Variants in ERGIC2 observed in about 807,000 individuals in gnomAD.
ERGIC2 encodes endoplasmic reticulum-Golgi intermediate compartment protein 2.
A neutral mutation model predicts 52.5 loss-of-function variants in ERGIC2; 31 were observed. That is an observed-to-expected ratio of 0.59 (90% CI 0.44 to 0.80). The LOEUF (loss-of-function observed/expected upper bound fraction) is 0.80, where lower values mean the gene tolerates loss of function less well. Ranked by LOEUF, ERGIC2 falls within the 30% of genes least tolerant of loss-of-function variation. The pLI is 0.00. For synonymous variants in ERGIC2, 129 were observed against 140.6 expected (o/e 0.92, Z 0.58); for missense variants, 395 against 455.2 (o/e 0.87, Z 1.20).
Position 29,357,479 on chromosome 12 carries a change from A to C in ERGIC2, c.476+144T>G, listed in dbSNP as rs2136864542. 5.7e-6 allele frequency: 3 copies of C among 526,896 alleles called. No individual in the cohort carries two copies. In the South Asian group the frequency reaches 9.2e-5, roughly 16 times the overall value. 32.6% of individuals were successfully genotyped at this position (526,896 alleles called of 1,614,324 possible). Reference sequence around the variant, plus strand: ...AATCACAGGCTATAAATTTAAGAGCAAAAGGCGTCTTTATAGTACAGAATG... The same window carrying C: ...AATCACAGGCTATAAATTTAAGAGCCAAAGGCGTCTTTATAGTACAGAATG... On this transcript the variant is annotated intron_variant, in intron 7 of 13. Transcript: ENST00000360150.
intron 11 of ERGIC2, among the ~76,000 whole-genome samples, chr12:29,344,539 T>C (rs997652043): frequency 6.6e-6 from 1 of 152,258 alleles, no homozygotes; most frequent in Admixed American, 6.5e-5. Flanking sequence ...TTTGTGTGAG[T>C]GTATATACAC....
At chr12:29,352,017 T>C (rs1037515014) in intron 8 of ERGIC2, among the ~76,000 whole-genome samples, 13 of 152,196 alleles carry the variant, frequency 8.5e-5, no homozygotes, top group African/African-American at 2.9e-4. Context: ...TGGTACACTG[T>C]GCTTTAAAAA....
intron 5 of ERGIC2, among the ~76,000 whole-genome samples, chr12:29,362,489 C>G (rs752436627): frequency 6.6e-6 from 1 of 151,934 alleles, no homozygotes; most frequent in Admixed American, 6.6e-5. Flanking sequence ...CCCAGCTACT[C>G]AAGAGGCTGA....
chr12:29,348,111 G>A (rs1940082939), intron 10 of ERGIC2, among the ~76,000 whole-genome samples: 1 of 152,064 alleles, frequency 6.6e-6, no homozygotes, highest in Non-Finnish European at 1.5e-5. Flanking sequence ...ATCTCAAAAT[G>A]TTTCCATCCA....
intron 10 of ERGIC2, among the ~76,000 whole-genome samples, chr12:29,345,757 T>C (rs1462193506): frequency 6.6e-6 from 1 of 151,886 alleles, no homozygotes; most frequent in South Asian, 2.1e-4. Flanking sequence ...ACCAGTCTGG[T>C]CAAGAGAGCC....
intron 10 of ERGIC2, among the ~76,000 whole-genome samples, chr12:29,348,186 A>G (rs372365075): frequency 6.6e-6 from 1 of 152,306 alleles, no homozygotes; most frequent in African/African-American, 2.4e-5. Context: ...AACATAAAAT[A>G]TTCATGAATG....
Position 29,357,606 on chromosome 12 carries a change from T to G in ERGIC2, c.476+17A>C. On this transcript the variant is annotated intron_variant, in intron 7 of 13. Coordinates refer to ENST00000360150, the MANE Select transcript of ERGIC2 (RefSeq NM_016570.3). The stretch of plus-strand genomic sequence containing the variant: ...AATTCATAATAAACAGTTGCACATT[T>G]AAAATACAGATCTCACCTTGGTGGA... 2 of 1,314,242 alleles carry G rather than the reference T, an allele frequency of 1.5e-6. No homozygotes were observed. Among genetic ancestry groups the G allele is most frequent in the Non-Finnish European group, 2.2e-6 (2 of 918,028 alleles). 81.4% of individuals were successfully genotyped at this position (1,314,242 alleles called of 1,614,324 possible).
intron 5 of ERGIC2, among the ~76,000 whole-genome samples, chr12:29,365,074 G>T (rs532766141): frequency 2.0e-5 from 3 of 151,906 alleles, no homozygotes; most frequent in South Asian, 4.1e-4. Flanking sequence ...AGAACGTAGA[G>T]TATTATTTAA....
chr12:29,352,528 T>G (rs1940147214), intron 8 of ERGIC2, among the ~76,000 whole-genome samples: 1 of 151,972 alleles, frequency 6.6e-6, no homozygotes, highest in African/African-American at 2.4e-5. Context: ...CCGGGCGTGG[T>G]GGTGGGCTAC....
At chr12:29,359,056 T>C (rs1940247935) in intron 6 of ERGIC2, among the ~76,000 whole-genome samples, 1 of 152,022 alleles carries the variant, frequency 6.6e-6, no homozygotes, top group South Asian at 2.1e-4. Context: ...AAAATTTAAA[T>C]CTCTTAGAAA....
intron 10 of ERGIC2, among the ~76,000 whole-genome samples, chr12:29,346,353 A>G (rs1940051667): frequency 6.6e-6 from 1 of 151,426 alleles, no homozygotes; most frequent in Non-Finnish European, 1.5e-5. Flanking sequence ...AAGCCCAACT[A>G]AATTTTTTTC....
intron 5 of ERGIC2, among the ~76,000 whole-genome samples, chr12:29,361,909 TAC>T (rs1235091383): frequency 6.6e-6 from 1 of 152,190 alleles, no homozygotes; most frequent in Non-Finnish European, 1.5e-5. Flanking sequence ...ACTTTCCTGT[TAC>T]AGTTATCGAC....
In ERGIC2 at chr12:29,337,538, G is replaced by C. The variant is rs750831556; in HGVS notation, c.*3618C>G. The C allele has an allele frequency of 2.0e-5, 3 of 151,900 alleles. No homozygotes were observed. Among genetic ancestry groups the C allele is most frequent in the African/African-American group, 7.2e-5 (3 of 41,420 alleles). The allele number at this position is 151,900 out of a possible 1,614,324, so 9.4% of individuals were successfully genotyped here. A position where few individuals can be genotyped will look rare whatever the true frequency, so the allele number is the denominator to read the frequency against. ...TGCTTTGATTGCATCATCACAATAT[G>C]GGGGGGATACATGGATCTTGATCCG... On this transcript the variant is annotated 3_prime_UTR_variant, in exon 14 of 14. Coordinates refer to ENST00000360150, the MANE Select transcript of ERGIC2 (RefSeq NM_016570.3).
In ERGIC2 at chr12:29,337,732, A is replaced by T. The variant is rs1949807071; in HGVS notation, c.*3424T>A. The T allele has an allele frequency of 6.6e-6, 1 of 152,230 alleles. No individual in the cohort carries two copies. The highest frequency in any genetic ancestry group is 1.5e-5 in the Non-Finnish European group (1 of 68,044). 9.4% of individuals were successfully genotyped at this position (152,230 alleles called of 1,614,324 possible). ...AAGGTCCTAAAGCTCAGGTTTAAGT[A>T]ACTTTTAAACAATCAAAAATAGGCA... On this transcript the variant is annotated 3_prime_UTR_variant, in exon 14 of 14. Transcript: ENST00000360150.
intron 5 of ERGIC2, among the ~76,000 whole-genome samples, chr12:29,363,595 T>C (rs1408253401): frequency 6.6e-6 from 1 of 151,970 alleles, no homozygotes; most frequent in African/African-American, 2.4e-5. Context: ...TCCTGCTCCA[T>C]AAACTACTAG....
chr12:29,368,577 C>A (rs1452420035), intron 3 of ERGIC2, among the ~76,000 whole-genome samples: 55 of 151,882 alleles, frequency 3.6e-4, no homozygotes, highest in Non-Finnish European at 1.3e-4. Flanking sequence ...GTCTTAACCT[C>A]TTAATCTCTA....
chr12:29,364,653 A>G (rs1940333572), intron 5 of ERGIC2, among the ~76,000 whole-genome samples: 1 of 152,110 alleles, frequency 6.6e-6, no homozygotes, highest in Admixed American at 6.6e-5. Context: ...AACAAAAACT[A>G]CCAACAGAGT....
In ERGIC2 at chr12:29,360,344, TTAAA is replaced by T. The variant is rs571747469; in HGVS notation, c.374+1297_374+1300del. ...TAAATATGCATCAATAAGGATCCAA[TTAAA>T]TAAACTACAATCTATCCATAAAATA... is the stretch of plus-strand genomic sequence containing the variant. On this transcript the variant is annotated intron_variant, in intron 6 of 13. Coordinates refer to ENST00000360150, the MANE Select transcript of ERGIC2 (RefSeq NM_016570.3). Among the ~76,000 whole-genome samples, 259 of 151,548 alleles carry T rather than the reference TTAAA, an allele frequency of 1.7e-3. 1 individual carries two copies. The highest frequency in any genetic ancestry group is 6.0e-3 in the African/African-American group (247 of 41,464).
rs956980887 is a variant in ERGIC2, at chr12:29,341,017, C to CT, written c.*138dup. ...GAATTTCAGTTTGGGTTTTTTTATC[C>CT]TTTTTTTTCTTTTTTAAAATAAGTA... On this transcript the variant is annotated 3_prime_UTR_variant, in exon 14 of 14. Transcript: ENST00000360150. The CT allele has an allele frequency of 1.4e-4, 95 of 694,702 alleles. No homozygotes were observed. Among genetic ancestry groups the CT allele is most frequent in the Middle Eastern group, 2.6e-4 (1 of 3,912 alleles). The allele number at this position is 694,702 out of a possible 1,614,324, so 43.0% of individuals were successfully genotyped here. A position where few individuals can be genotyped will look rare whatever the true frequency, so the allele number is the denominator to read the frequency against.
Sources: allele counts gnomAD v4.1 joint callset (sites outside exome capture counted in the v4.1 genomes callset), GRCh38; gene constraint gnomAD v4.1.1; transcripts MANE v1.5; gene names NCBI Gene and HGNC (gene_info 2026-07-23, HGNC 2026-07-21).